Variants in KRT86 observed in about 807,000 individuals in gnomAD.
KRT86 encodes keratin 86.
KRT86 carries 30 observed loss-of-function variants against 41.2 expected under a neutral mutation model. The ratio of observed to expected loss-of-function variants is 0.73; its 90% CI spans 0.54 to 0.99. KRT86 has a LOEUF of 0.99. KRT86 is among the 50% of genes least tolerant of loss of function. The pLI, the probability that KRT86 is intolerant of heterozygous loss-of-function variation, is 0.00. For synonymous variants in KRT86, 238 were observed against 238.1 expected, an observed-to-expected ratio of 1.00 and a Z score of 0.00; for missense variants, 561 against 571.4, an observed-to-expected ratio of 0.98 and a Z score of 0.19.
chr12:52,301,816 C>G, intron 2 of KRT86, 97 bp from the exon 3 acceptor site: 1 of 1,612,072 alleles, frequency 6.2e-7, no homozygotes, highest in Non-Finnish European at 8.5e-7. Flanking sequence ...ATATAAAAGG[C>G]CTACAGAGGT....
rs1321914300 is a variant in KRT86, at chr12:52,295,766, G to T, written c.-4-6147G>T. On this transcript the variant is annotated intron_variant, in intron 2 of 10. Transcript: ENST00000423955. ...GGTGCTCAATAAATATTTTTTGAAT[G>T]AATGAAAAGAATACCAGCTGCATAT... Among the ~76,000 whole-genome samples the T allele has an allele frequency of 1.1e-4, 17 of 152,312 alleles. No homozygotes were observed. The East Asian group carries it at 2.9e-3, about 26-fold the overall frequency.
At chr12:52,301,439 T>A (rs1312221736) in intron 2 of KRT86, among the ~76,000 whole-genome samples, 4 of 151,644 alleles carry the variant, frequency 2.6e-5, no homozygotes, top group Non-Finnish European at 5.9e-5. Flanking sequence ...CATCAAGGGA[T>A]TCCCCCTCCC....
chr12:52,308,399 TGCAGGCGTCA>T lies in KRT86; in HGVS notation c.1280_1289del (p.Cys427SerfsTer90). 1 of 1,611,370 alleles carries T rather than the reference TGCAGGCGTCA, an allele frequency of 6.2e-7. No individual in the cohort carries two copies. The highest frequency in any genetic ancestry group is 1.1e-5 in the South Asian group (1 of 90,944). On this transcript the variant is annotated splice_acceptor_variant and splice_polypyrimidine_tract_variant and coding_sequence_variant and intron_variant, in exon 11 of 11. Transcript: ENST00000423955. LOFTEE classifies it high-confidence loss of function. ...GACGCGCGCCTCCGTCTCTTTCCCC[TGCAGGCGTCA>T]GCAGCTCCCGCGGTGGCGTTGTCTG... is the stretch of plus-strand genomic sequence containing the variant.
At chr12:52,300,432 T>G (rs1056804799) in intron 2 of KRT86, among the ~76,000 whole-genome samples, 1 of 152,232 alleles carries the variant, frequency 6.6e-6, no homozygotes, top group African/African-American at 2.4e-5. Flanking sequence ...GAAGCCCATC[T>G]GCTCTGTGCT....
At chr12:52,301,788 G>C (rs904053929) in intron 2 of KRT86, 125 bp from the exon 3 acceptor site, 7 of 1,600,016 alleles carry the variant, frequency 4.4e-6, no homozygotes, top group African/African-American at 4.0e-5. Flanking sequence ...GACCCACGTG[G>C]TCACAGTCTC....
At chr12:52,305,168 G>A in intron 6 of KRT86, 72 bp from the exon 7 acceptor site, 2 of 1,612,714 alleles carry the variant, frequency 1.2e-6, no homozygotes, top group South Asian at 1.1e-5. Context: ...GAGAAAGCCT[G>A]AGGAGGTGGA....
chr12:52,291,017 C>T lies in KRT86; in HGVS notation c.-4-10896C>T, dbSNP rs1456666500. Reference sequence around the variant, plus strand: ...TCTCAGGCAGGCAGAGGTCTTTGTGCCTCTGACTCCATCCTTAGTGCCCGG... The same window carrying T: ...TCTCAGGCAGGCAGAGGTCTTTGTGTCTCTGACTCCATCCTTAGTGCCCGG... On this transcript the variant is annotated intron_variant, in intron 2 of 10. Coordinates refer to ENST00000423955, the MANE Select transcript of KRT86 (RefSeq NM_001320198.2). 4 of 449,100 alleles carry T rather than the reference C, an allele frequency of 8.9e-6. No homozygotes were observed. The East Asian group carries it at 1.3e-4, about 15-fold the overall frequency. 27.8% of individuals were successfully genotyped at this position (449,100 alleles called of 1,614,324 possible).
intron 2 of KRT86, chr12:52,286,452 A>G (rs1011004619): frequency 3.2e-6 from 5 of 1,552,752 alleles, no homozygotes; most frequent in African/African-American, 2.7e-5. Context: ...CCTGACACGC[A>G]GAGGTCCCCG....
chr12:52,301,095 T>C (rs1158272199), intron 2 of KRT86, among the ~76,000 whole-genome samples: 2 of 151,846 alleles, frequency 1.3e-5, no homozygotes, highest in Non-Finnish European at 2.9e-5. Flanking sequence ...TGTGTGTGTG[T>C]GTGTGAGATG....
intron 2 of KRT86, chr12:52,286,273 GC>G (rs1753632379): frequency 3.9e-6 from 6 of 1,553,864 alleles, no homozygotes; most frequent in Non-Finnish European, 5.2e-6. Flanking sequence ...TCCGGCAGCT[GC>G]TGCCGCAAGA....
chr12:52,286,474 GC>G, intron 2 of KRT86: 1 of 1,552,358 alleles, frequency 6.4e-7, no homozygotes, highest in Non-Finnish European at 8.7e-7. Context: ...ACACGACCCC[GC>G]CCCGGGAGCT....
chr12:52,291,110 G>A lies in KRT86; in HGVS notation c.-4-10803G>A, dbSNP rs1297738685. The A allele has an allele frequency of 2.7e-5, 21 of 768,568 alleles. No individual in the cohort carries two copies. The South Asian group carries it at 3.4e-4, about 12-fold the overall frequency. The allele number at this position is 768,568 out of a possible 1,614,324, so 47.6% of individuals were successfully genotyped here. A position where few individuals can be genotyped will look rare whatever the true frequency, so the allele number is the denominator to read the frequency against. On this transcript the variant is annotated intron_variant, in intron 2 of 10. Coordinates refer to ENST00000423955, the MANE Select transcript of KRT86 (RefSeq NM_001320198.2). The stretch of plus-strand genomic sequence containing the variant: ...CAGGACACCCACCTTGTCGATGAAG[G>A]CCGCGAACCTGCTGTTGAGGGACTT...
chr12:52,276,230 CTG>C (rs1021864511), intron 2 of KRT86, among the ~76,000 whole-genome samples: 23 of 152,186 alleles, frequency 1.5e-4, no homozygotes, highest in African/African-American at 5.5e-4. Flanking sequence ...ATTTTTATGT[CTG>C]TGTTTTGTTT....
rs538890096 is a variant in KRT86 at position 52,283,690 on chromosome 12, C to T, written c.-5+7744C>T. ...AGATGGGGTTTCTTCCTATTGGTCACGCTGGTCTCAAACTCCTGACCTCAG... is the reference window on the plus strand; with the variant it reads ...AGATGGGGTTTCTTCCTATTGGTCATGCTGGTCTCAAACTCCTGACCTCAG... On this transcript the variant is annotated intron_variant, in intron 2 of 10. Transcript: ENST00000423955. Among the ~76,000 whole-genome samples, 4 of 152,092 alleles carry T rather than the reference C, an allele frequency of 2.6e-5. No homozygotes were observed. In the South Asian group the frequency reaches 8.3e-4, roughly 32 times the overall value.
chr12:52,279,992 G>C (rs115718665), intron 2 of KRT86, among the ~76,000 whole-genome samples: 1,652 of 152,300 alleles, frequency 0.011, 39 homozygotes, highest in African/African-American at 0.038. Flanking sequence ...ACAGAAAAGG[G>C]TGAGATGGGG....
intron 2 of KRT86, among the ~76,000 whole-genome samples, chr12:52,282,873 TCA>T (rs1937808806): frequency 6.6e-6 from 1 of 152,190 alleles, no homozygotes. Flanking sequence ...CCATGTATAA[TCA>T]CACATTTAGA....
intron 2 of KRT86, among the ~76,000 whole-genome samples, chr12:52,295,549 C>T (rs974569654): frequency 6.6e-6 from 1 of 152,114 alleles, no homozygotes; most frequent in African/African-American, 2.4e-5. Flanking sequence ...TCTGCAGGGC[C>T]CTGCAGGTTG....
At chr12:52,279,181 G>C (rs886329534) in intron 2 of KRT86, 3 of 152,206 alleles carry the variant, frequency 2.0e-5, no homozygotes, top group Non-Finnish European at 2.9e-5. Context: ...CGGCTCTCCC[G>C]GCTGTGTCCG....
In KRT86 at chr12:52,305,479, C is replaced by T. The variant is rs1478725569; in HGVS notation, c.900+75C>T. The T allele has an allele frequency of 3.1e-5, 50 of 1,612,032 alleles. No individual in the cohort carries two copies. The South Asian group carries it at 5.1e-4, about 16-fold the overall frequency. On this transcript the variant is annotated intron_variant, in intron 7 of 10. Coordinates refer to ENST00000423955, the MANE Select transcript of KRT86 (RefSeq NM_001320198.2). The stretch of plus-strand genomic sequence containing the variant: ...TGAGATTATCTATTAAATAGGCTTC[C>T]TTTTCTGGGGATGCACTAGGGATGA...
Sources: gnomAD v4.1 joint callset for allele counts (sites outside exome capture counted in the v4.1 genomes callset) on GRCh38, gnomAD v4.1.1 for gene constraint, MANE v1.5 for transcripts, NCBI Gene and HGNC (gene_info 2026-07-23, HGNC 2026-07-21) for gene names.